The following PLAC9 variants were observed in gnomAD, a reference collection of about 807,000 sequenced individuals.
PLAC9 encodes placenta-specific protein 9.
Under a neutral mutation model 11.5 loss-of-function variants are expected in PLAC9, and 12 were observed. The observed-to-expected ratio is 1.05, with a 90% confidence interval of 0.67 to 1.69. The LOEUF (loss-of-function observed/expected upper bound fraction) is 1.69. Among genes scored for constraint, PLAC9 ranks in the 40% most tolerant of loss-of-function variants. The pLI is 0.00. For synonymous variants in PLAC9, 62 were observed against 58.1 expected (o/e 1.07, Z -0.31); for missense variants, 132 against 130.5 (o/e 1.01, Z -0.06).
At chr10:80,135,321 CTTTTTT>C (rs139336508) in intron 1 of PLAC9, among the ~76,000 whole-genome samples, 59 of 67,344 alleles carry the variant, frequency 8.8e-4, no homozygotes, top group African/African-American at 3.1e-3. Context: ...TGCGCCCGGC[CTTTTTT>C]TTTTTTTTTT....
intron 1 of PLAC9, among the ~76,000 whole-genome samples, chr10:80,136,691 T>G (rs1844978616): frequency 6.6e-6 from 1 of 151,464 alleles, no homozygotes; most frequent in South Asian, 2.1e-4. Flanking sequence ...TTTATTTATT[T>G]TTGTAGAGAC....
At chr10:80,134,359 G>C (rs1272743156) in intron 1 of PLAC9, among the ~76,000 whole-genome samples, 1 of 151,524 alleles carries the variant, frequency 6.6e-6, no homozygotes, top group East Asian at 1.9e-4. Context: ...CGTCTCCCGG[G>C]TTCAACTGAT....
At chr10:80,133,350 G>A (rs531078616) in intron 1 of PLAC9, among the ~76,000 whole-genome samples, 1 of 152,234 alleles carries the variant, frequency 6.6e-6, no homozygotes, top group Admixed American at 6.5e-5. Context: ...CCGGAGGCCA[G>A]CTCCATCTCA....
intron 3 of PLAC9, 83 bp downstream of exon 3, chr10:80,144,426 CT>C: frequency 1.4e-6 from 2 of 1,474,670 alleles, no homozygotes; most frequent in Non-Finnish European, 1.8e-6. Context: ...GGCTGCTCCA[CT>C]GCACAGGTGT....
intron 1 of PLAC9, among the ~76,000 whole-genome samples, chr10:80,136,465 T>C (rs544581510): frequency 6.6e-6 from 1 of 152,058 alleles, no homozygotes; most frequent in Non-Finnish European, 1.5e-5. Flanking sequence ...TCTACTATTT[T>C]TTATTCATTT....
intron 1 of PLAC9, among the ~76,000 whole-genome samples, chr10:80,140,488 T>C (rs1845027714): frequency 6.6e-6 from 1 of 152,182 alleles, no homozygotes; most frequent in Admixed American, 6.5e-5. Context: ...ACGCTTTTCA[T>C]CCTCTGCAGA....
intron 2 of PLAC9, among the ~76,000 whole-genome samples, chr10:80,143,467 G>A (rs1249741271): frequency 2.3e-4 from 29 of 128,094 alleles, no homozygotes; most frequent in African/African-American, 8.3e-4. Context: ...GTGTGATCTC[G>A]GCTCACTGCA....
chr10:80,137,854 G>T (rs1215360279), intron 1 of PLAC9, among the ~76,000 whole-genome samples: 1 of 151,338 alleles, frequency 6.6e-6, no homozygotes, highest in East Asian at 1.9e-4. Flanking sequence ...AGAAGAGGTT[G>T]CAGTGAGCCA....
intron 2 of PLAC9, 88 bp downstream of exon 2, chr10:80,142,267 T>G: frequency 8.8e-7 from 1 of 1,135,210 alleles, no homozygotes; most frequent in Non-Finnish European, 1.3e-6. Context: ...TGCTTTGGAA[T>G]GTGAGGACAT....
At chr10:80,141,554 G>T (rs575254818) in intron 1 of PLAC9, among the ~76,000 whole-genome samples, 1 of 152,212 alleles carries the variant, frequency 6.6e-6, no homozygotes, top group African/African-American at 2.4e-5. Context: ...AGCTGAGATC[G>T]CACCATTGCA....
intron 3 of PLAC9, among the ~76,000 whole-genome samples, 194 bp from the exon 4 acceptor site, chr10:80,144,706 C>A (rs1246380320): frequency 6.6e-6 from 1 of 152,222 alleles, no homozygotes; most frequent in Non-Finnish European, 1.5e-5. Flanking sequence ...CCCCAAAACT[C>A]TCGCAGGGAA....
At chr10:80,136,973 A>G (rs1280058382) in intron 1 of PLAC9, among the ~76,000 whole-genome samples, 1 of 152,166 alleles carries the variant, frequency 6.6e-6, no homozygotes, top group African/African-American at 2.4e-5. Context: ...CAATCCCACA[A>G]TCATTAGTGG....
chr10:80,134,985 T>C (rs918273496), intron 1 of PLAC9, among the ~76,000 whole-genome samples: 4 of 149,656 alleles, frequency 2.7e-5, no homozygotes, highest in African/African-American at 7.4e-5. Context: ...CTCTAGCACG[T>C]CCAACTTCCA....
chr10:80,145,171 A>C lies in PLAC9; in HGVS notation c.*261A>C. 1 of 619,456 alleles carries C rather than the reference A, an allele frequency of 1.6e-6. No individual in the cohort carries two copies. Among genetic ancestry groups the C allele is most frequent in the Non-Finnish European group, 2.9e-6 (1 of 349,748 alleles). The allele number at this position is 619,456 out of a possible 1,614,324, so 38.4% of individuals were successfully genotyped here. A position where few individuals can be genotyped will look rare whatever the true frequency, so the allele number is the denominator to read the frequency against. ...TCCTGTCATTTATAGGGGCAGATGG[A>C]GCAGGGGTTGATTCACACAGATGGG... is the stretch of plus-strand genomic sequence containing the variant. On this transcript the variant is annotated 3_prime_UTR_variant, in exon 4 of 4. Coordinates refer to ENST00000372263, the MANE Select transcript of PLAC9 (RefSeq NM_001012973.3).
At chr10:80,141,615 C>CAA (rs1479555627) in intron 1 of PLAC9, among the ~76,000 whole-genome samples, 1 of 151,878 alleles carries the variant, frequency 6.6e-6, no homozygotes, top group Non-Finnish European at 1.5e-5. Flanking sequence ...AACAAACAAA[C>CAA]ACACAAAAAA....
chr10:80,133,943 C>CAA lies in PLAC9; in HGVS notation c.64+1132_64+1133dup, dbSNP rs61127711. ...TGGGTGACAGAGCAAGACTCAGTTTCAAAAAAAAAAAAAAAAGAAGAAGGA... is the reference window on the plus strand; with the variant it reads ...TGGGTGACAGAGCAAGACTCAGTTTCAAAAAAAAAAAAAAAAAAGAAGAAGGA... On this transcript the variant is annotated intron_variant, in intron 1 of 3. Coordinates refer to ENST00000372263, the MANE Select transcript of PLAC9 (RefSeq NM_001012973.3). 1.8e-3 allele frequency among the ~76,000 whole-genome samples: 189 copies of CAA among 107,732 alleles called. 20 individuals carry two copies. The highest frequency in any genetic ancestry group is 3.6e-3 in the African/African-American group (92 of 25,412). 70.7% of individuals were successfully genotyped at this position (107,732 alleles called of 152,430 possible).
At chr10:80,134,019 T>A (rs1259172349) in intron 1 of PLAC9, among the ~76,000 whole-genome samples, 1 of 151,896 alleles carries the variant, frequency 6.6e-6, no homozygotes, top group Non-Finnish European at 1.5e-5. Flanking sequence ...ATTTCATATA[T>A]TTTTGTGCAT....
At chr10:80,132,638 GAA>G (rs1226461376), upstream of PLAC9, 7 of 751,530 alleles carry the variant, frequency 9.3e-6, no homozygotes, top group African/African-American at 1.1e-4. Flanking sequence ...TCTCGAGCCA[GAA>G]AGTCCGGAGC....
intron 1 of PLAC9, among the ~76,000 whole-genome samples, chr10:80,136,713 A>G (rs1345557348): frequency 1.3e-5 from 2 of 150,902 alleles, no homozygotes; most frequent in Admixed American, 6.6e-5. Flanking sequence ...GAGTCTCACT[A>G]TGTTGCCCAG....
Sources: allele counts gnomAD v4.1 joint callset (sites outside exome capture counted in the v4.1 genomes callset), GRCh38; gene constraint gnomAD v4.1.1; transcripts MANE v1.5; gene names NCBI Gene and HGNC (gene_info 2026-07-23, HGNC 2026-07-21).